Variants in PLCXD3 observed in about 807,000 individuals in gnomAD.
PLCXD3 encodes the protein PI-PLC X domain-containing protein 3.
In PLCXD3, 19 loss-of-function variants were observed where a neutral mutation model predicts 25.5. The ratio of observed to expected loss-of-function variants is 0.75; its 90% CI spans 0.52 to 1.09. The LOEUF (loss-of-function observed/expected upper bound fraction) is 1.09, where lower values mean the gene tolerates loss of function less well. PLCXD3 is among the 50% of genes least tolerant of loss of function. The probability of loss-of-function intolerance (pLI) is 0.00; values close to 1 mark genes in which losing one functional copy is unlikely to be tolerated. For synonymous variants in PLCXD3, 174 were observed against 137.6 expected (o/e 1.26, Z -1.85); for missense variants, 411 against 388.1 (o/e 1.06, Z -0.50).
At chr5:41,334,881 C>T (rs1037477262) in intron 2 of PLCXD3, among the ~76,000 whole-genome samples, 4 of 152,154 alleles carry the variant, frequency 2.6e-5, no homozygotes, top group African/African-American at 9.7e-5. Flanking sequence ...ACAGCCAGCC[C>T]TTGATGGGGG....
In PLCXD3 at chr5:41,446,176, C is replaced by CAAAAAAAAAAAAAAA. The variant is rs70988847; in HGVS notation, c.104-63657_104-63643dup. Among the ~76,000 whole-genome samples, 66 of 38,118 alleles carry CAAAAAAAAAAAAAAA rather than the reference C, an allele frequency of 1.7e-3. 5 individuals carry two copies. Among genetic ancestry groups the CAAAAAAAAAAAAAAA allele is most frequent in the East Asian group, 3.3e-3 (2 of 602 alleles). 25.0% of individuals were successfully genotyped at this position (38,118 alleles called of 152,430 possible). On this transcript the variant is annotated intron_variant, in intron 1 of 2. Transcript: ENST00000377801. ...TGGGCGACGGAGCCAGACTCCTTCT[C>CAAAAAAAAAAAAAAA]AAAAAAAAAAAAAAAAAAAAAAAAA...
chr5:41,467,057 C>A (rs1205132714), intron 1 of PLCXD3, among the ~76,000 whole-genome samples: 1 of 152,054 alleles, frequency 6.6e-6, no homozygotes, highest in South Asian at 2.1e-4. Flanking sequence ...GTTTCAGTTT[C>A]TTTGAATACA....
At chr5:41,395,037 A>T (rs926351137) in intron 1 of PLCXD3, among the ~76,000 whole-genome samples, 1 of 152,176 alleles carries the variant, frequency 6.6e-6, no homozygotes, top group Non-Finnish European at 1.5e-5. Context: ...TTTCCTCAGC[A>T]CATGGATATA....
At chr5:41,422,683 A>G (rs1746855590) in intron 1 of PLCXD3, among the ~76,000 whole-genome samples, 1 of 152,244 alleles carries the variant, frequency 6.6e-6, no homozygotes, top group Admixed American at 6.5e-5. Context: ...AGAGTCTTCA[A>G]TAAAGTTTTA....
At chr5:41,443,214 A>G (rs1336999374) in intron 1 of PLCXD3, among the ~76,000 whole-genome samples, 1 of 151,788 alleles carries the variant, frequency 6.6e-6, no homozygotes, top group African/African-American at 2.4e-5. Flanking sequence ...TTATAATACC[A>G]TATTTTTACT....
chr5:41,504,514 T>C lies in PLCXD3; in HGVS notation c.103+5910A>G, dbSNP rs893258739. The stretch of plus-strand genomic sequence containing the variant: ...TCAGCAGTGATGGCAGAGTCAGCAA[T>C]AGGAGATGTTGGCATCAGCAGCTTC... On this transcript the variant is annotated intron_variant, in intron 1 of 2. Coordinates refer to ENST00000377801, the MANE Select transcript of PLCXD3 (RefSeq NM_001005473.3). 2.6e-5 allele frequency among the ~76,000 whole-genome samples: 4 copies of C among 152,104 alleles called. No homozygotes were observed. In the South Asian group the frequency reaches 6.2e-4, roughly 24 times the overall value.
rs564201308 is a variant in PLCXD3 at position 41,442,485 on chromosome 5, A to G, written c.104-59951T>C. On this transcript the variant is annotated intron_variant, in intron 1 of 2. Coordinates refer to ENST00000377801, the MANE Select transcript of PLCXD3 (RefSeq NM_001005473.3). ...CACATTTCTAAGCCACAGTTTTGTT[A>G]CCTGTAAAGTGGGAGAAAAATAAAA... Among the ~76,000 whole-genome samples the G allele has an allele frequency of 2.0e-5, 3 of 152,214 alleles. No homozygotes were observed. In the South Asian group the frequency reaches 6.2e-4, roughly 31 times the overall value.
intron 2 of PLCXD3, among the ~76,000 whole-genome samples, chr5:41,328,121 A>G (rs1209147417): frequency 6.6e-6 from 1 of 152,204 alleles, no homozygotes; most frequent in Non-Finnish European, 1.5e-5. Flanking sequence ...TTCAGGTTTA[A>G]GCTCCATTTA....
chr5:41,385,652 A>G (rs989832565), intron 1 of PLCXD3, among the ~76,000 whole-genome samples: 8 of 152,122 alleles, frequency 5.3e-5, no homozygotes, highest in African/African-American at 1.9e-4. Context: ...GTGTGGGCTG[A>G]ACCTATGACC....
chr5:41,498,790 A>G (rs1183170039), intron 1 of PLCXD3, among the ~76,000 whole-genome samples: 1 of 151,890 alleles, frequency 6.6e-6, no homozygotes, highest in Admixed American at 6.6e-5. Flanking sequence ...ACAGCACATT[A>G]GAAGAATCAT....
intron 1 of PLCXD3, among the ~76,000 whole-genome samples, chr5:41,483,987 C>A (rs1186063245): frequency 6.6e-6 from 1 of 151,960 alleles, no homozygotes; most frequent in Non-Finnish European, 1.5e-5. Flanking sequence ...TAGAATTCCT[C>A]TCATTTTGAG....
rs147675229 is a variant in PLCXD3, at chr5:41,324,298, G to A, written c.813-10528C>T. The stretch of plus-strand genomic sequence containing the variant: ...AGTGTGATAAATGTGCATTTCCCCA[G>A]ATCTCAGAAAGTATATCCAGTCTAA... On this transcript the variant is annotated intron_variant, in intron 2 of 2. Transcript: ENST00000377801. 3.7e-4 allele frequency among the ~76,000 whole-genome samples: 56 copies of A among 152,258 alleles called. No individual in the cohort carries two copies. In the East Asian group the frequency reaches 6.9e-3, roughly 19 times the overall value.
At chr5:41,322,325 T>G (rs74898074) in intron 2 of PLCXD3, among the ~76,000 whole-genome samples, 14,802 of 152,250 alleles carry the variant, frequency 0.097, 1,039 homozygotes, top group East Asian at 0.35. Flanking sequence ...CATATGAACA[T>G]ATGCTCAACA....
chr5:41,380,190 T>C (rs1745415161), intron 2 of PLCXD3, among the ~76,000 whole-genome samples: 2 of 152,012 alleles, frequency 1.3e-5, no homozygotes, highest in South Asian at 4.1e-4. Flanking sequence ...CCTTCCCCAC[T>C]TCCTCCCAAG....
intron 1 of PLCXD3, among the ~76,000 whole-genome samples, chr5:41,469,027 C>T (rs1748090476): frequency 6.6e-6 from 1 of 152,100 alleles, no homozygotes; most frequent in Non-Finnish European, 1.5e-5. Context: ...TATATATGGC[C>T]TAACGGTGTT....
At chr5:41,344,066 C>G (rs1052306922) in intron 2 of PLCXD3, among the ~76,000 whole-genome samples, 1 of 152,072 alleles carries the variant, frequency 6.6e-6, no homozygotes, top group African/African-American at 2.4e-5. Flanking sequence ...AAAAAGTAAT[C>G]TTTCTAAATT....
At chr5:41,500,692 G>T (rs542172471) in intron 1 of PLCXD3, among the ~76,000 whole-genome samples, 1 of 151,832 alleles carries the variant, frequency 6.6e-6, no homozygotes, top group Non-Finnish European at 1.5e-5. Flanking sequence ...TGAAATCAAA[G>T]CCACAGGCAC....
rs769003296 is a variant in PLCXD3, at chr5:41,382,347, A to G, written c.291T>C (p.Leu97=). Residue 97 remains leucine, a synonymous_variant, in exon 2 of 3, where the codon CTT becomes CTC. Coordinates refer to ENST00000377801, the MANE Select transcript of PLCXD3 (RefSeq NM_001005473.3). ...GGTCTCTGGGCTTGGTGGAAATTCG[A>G]AGATCAAAATAACGAATTCCAGCTC... The part of the protein sequence containing the change: ...QLGAGIRYFD[L]RISTKPRDPD... The G allele has an allele frequency of 6.2e-7, 1 of 1,613,512 alleles. No individual in the cohort carries two copies. The highest frequency in any genetic ancestry group is 1.1e-5 in the South Asian group (1 of 91,058).
chr5:41,402,488 A>C (rs994188135), intron 1 of PLCXD3, among the ~76,000 whole-genome samples: 1 of 151,512 alleles, frequency 6.6e-6, no homozygotes, highest in African/African-American at 2.4e-5. Context: ...TATTTATTTT[A>C]TTTTATTTGG....
Sources: gnomAD v4.1 joint callset for allele counts (sites outside exome capture counted in the v4.1 genomes callset) on GRCh38, gnomAD v4.1.1 for gene constraint, MANE v1.5 for transcripts, NCBI Gene and HGNC (gene_info 2026-07-23, HGNC 2026-07-21) for gene names.